The following MYO19 variants were observed in gnomAD, a reference collection of about 807,000 sequenced individuals.
MYO19 encodes the protein unconventional myosin-XIX.
MYO19 carries 132 observed loss-of-function variants against 129.2 expected under a neutral mutation model. That is an observed-to-expected ratio of 1.02 (90% CI 0.89 to 1.18). The LOEUF is 1.18. MYO19 is among the 50% of genes most tolerant of loss of function. The pLI is 0.00. For synonymous variants in MYO19, 531 were observed against 477.2 expected (o/e 1.11, Z -1.47); for missense variants, 1,210 against 1,216.7 (o/e 0.99, Z 0.08).
intron 6 of MYO19, among the ~76,000 whole-genome samples, chr17:36,517,836 C>T (rs1192026113): frequency 6.6e-6 from 1 of 151,870 alleles, no homozygotes; most frequent in South Asian, 2.1e-4. Flanking sequence ...CGCCTGTAAT[C>T]CCAGCACTTT....
At chr17:36,537,785 T>C (rs1426728899), upstream of MYO19, 1 of 1,614,180 alleles carries the variant, frequency 6.2e-7, no homozygotes, top group Non-Finnish European at 8.5e-7. Context: ...ATCAGGAACA[T>C]TTAACAGAGT....
Position 36,525,235 on chromosome 17 carries a change from G to A in MYO19, c.407C>T (p.Ala136Val). 4 of 1,612,578 alleles carry A rather than the reference G, an allele frequency of 2.5e-6. No individual in the cohort carries two copies. The highest frequency in any genetic ancestry group is 3.4e-6 in the Non-Finnish European group (4 of 1,178,710). Reference sequence around the variant, plus strand: ...GGAAAGACGTCTTCCTACCTTTCCAGCACCACTCTCTCCACTGACAACAAT... The same window carrying A: ...GGAAAGACGTCTTCCTACCTTTCCAACACCACTCTCTCCACTGACAACAAT... ...QSIVVSGESG[A>V]GKTWTSRCLM... The change falls in exon 6 of 26, where the codon GCT becomes GTT. Residue 136 changes from alanine (A) to valine (V), a missense_variant. Physicochemically the swap from Ala to Val is moderately conservative, Grantham distance 64. Transcript: ENST00000614623.
At chr17:36,544,475 C>T (rs373679202), upstream of MYO19, among the ~76,000 whole-genome samples, 1 of 152,344 alleles carries the variant, frequency 6.6e-6, no homozygotes, top group East Asian at 1.9e-4. Context: ...CCTTCCGCCC[C>T]CTCTGATCTC....
chr17:36,534,374 G>A (rs1357926481), intron 1 of MYO19, among the ~76,000 whole-genome samples: 1 of 152,144 alleles, frequency 6.6e-6, no homozygotes, highest in Non-Finnish European at 1.5e-5. Flanking sequence ...GGCACGGGGA[G>A]AGTATGTCCT....
upstream of MYO19, among the ~76,000 whole-genome samples, chr17:36,544,073 G>A (rs2074219385): frequency 6.6e-6 from 1 of 152,236 alleles, no homozygotes; most frequent in African/African-American, 2.4e-5. Flanking sequence ...ACACGGTGGC[G>A]AGAGGAACTG....
intron 14 of MYO19, 192 bp from the exon 15 acceptor site, chr17:36,508,116 C>G (rs1421525228): frequency 1.9e-6 from 1 of 513,262 alleles, no homozygotes; most frequent in African/African-American, 1.9e-5. Flanking sequence ...TGGCTCCCAT[C>G]TCTACCCCAT....
chr17:36,525,852 T>C (rs1316245869), intron 5 of MYO19, among the ~76,000 whole-genome samples: 1 of 152,212 alleles, frequency 6.6e-6, no homozygotes, highest in African/African-American at 2.4e-5. Flanking sequence ...GTCTTCAATG[T>C]ACTAGGCATC....
intron 25 of MYO19, 45 bp downstream of exon 25, chr17:36,498,212 TTGCTCCTGC>T: frequency 6.4e-7 from 1 of 1,563,978 alleles, no homozygotes; most frequent in Non-Finnish European, 8.7e-7. Flanking sequence ...CTTGTAGGCT[TTGCTCCTGC>T]TGTTCTCAGG....
intron 6 of MYO19, among the ~76,000 whole-genome samples, chr17:36,524,722 G>A (rs1245579433): frequency 1.3e-5 from 2 of 152,178 alleles, no homozygotes; most frequent in African/African-American, 4.8e-5. Context: ...TACTTTGGAG[G>A]AGCACTGCCA....
chr17:36,506,793 C>T (rs758697762), intron 17 of MYO19, 170 bp downstream of exon 17: 11 of 1,085,846 alleles, frequency 1.0e-5, no homozygotes, highest in Non-Finnish European at 1.4e-5. Context: ...CCAGGCAGGT[C>T]ATGCTTGATT....
At chr17:36,526,966 T>C (rs1300276515) in intron 5 of MYO19, among the ~76,000 whole-genome samples, 1 of 151,514 alleles carries the variant, frequency 6.6e-6, no homozygotes, top group Non-Finnish European at 1.5e-5. Flanking sequence ...GATCACCTGA[T>C]GTCAGGAGTT....
chr17:36,528,090 C>T lies in MYO19; in HGVS notation c.125G>A (p.Arg42Lys), dbSNP rs924567452. The stretch of plus-strand genomic sequence containing the variant: ...TGTCTCTAGTGTCACAGGATTCACC[C>T]TGGTGAGGTCATCCAGTTTGTACAG... ...VLLYKLDDLT[R>K]VNPVTLETVL... The change falls in exon 4 of 26, where the codon AGG becomes AAG. Residue 42 changes from arginine to lysine, a missense_variant. Transcript: ENST00000614623. 3 of 1,613,960 alleles carry T rather than the reference C, an allele frequency of 1.9e-6. No individual in the cohort carries two copies. Among genetic ancestry groups the T allele is most frequent in the South Asian group, 1.1e-5 (1 of 91,082 alleles).
chr17:36,495,764 TTATTC>T lies in MYO19; in HGVS notation c.*482_*486del. 6 of 1,241,724 alleles carry T rather than the reference TTATTC, an allele frequency of 4.8e-6. No individual in the cohort carries two copies. Among genetic ancestry groups the T allele is most frequent in the Non-Finnish European group, 6.0e-6 (6 of 993,598 alleles). 76.9% of individuals were successfully genotyped at this position (1,241,724 alleles called of 1,614,324 possible). A position where few individuals can be genotyped will look rare whatever the true frequency, so the allele number is the denominator to read the frequency against. ...AAACGTGATTCTACTGTACATTGCA[TTATTC>T]ATAATTTAATTGTTTGAAATTACAT... On this transcript the variant is annotated 3_prime_UTR_variant, in exon 26 of 26. Transcript: ENST00000614623.
intron 23 of MYO19, 74 bp downstream of exon 23, chr17:36,500,756 C>A: frequency 6.5e-7 from 1 of 1,529,022 alleles, no homozygotes; most frequent in Admixed American, 1.9e-5. Context: ...GGGGACTCGA[C>A]GAGCTATGTT....
Position 36,501,141 on chromosome 17 carries a change from A to G in MYO19, c.2175T>C (p.Thr725=). ...CTGGCATGGCCTCAGCCGAGTCACCAGTTATGGCTGCTGCCTGAGTTAGGA... is the reference window on the plus strand; with the variant it reads ...CTGGCATGGCCTCAGCCGAGTCACCGGTTATGGCTGCTGCCTGAGTTAGGA... ...LPVLTQAAAI[T]GDSAEAMPAP... is the part of the protein sequence containing the mutation. Residue 725 remains threonine, a synonymous_variant, in exon 22 of 26, where the codon ACT becomes ACC. Transcript: ENST00000614623. 1 of 1,614,026 alleles carries G rather than the reference A, an allele frequency of 6.2e-7. No homozygotes were observed. The highest frequency in any genetic ancestry group is 8.5e-7 in the Non-Finnish European group (1 of 1,179,898).
chr17:36,506,928 C>T (rs2071940384), intron 17 of MYO19, 35 bp downstream of exon 17: 5 of 1,522,394 alleles, frequency 3.3e-6, no homozygotes, highest in South Asian at 1.3e-5. Flanking sequence ...CATCTCGTTT[C>T]TCGCAGGCCC....
intron 11 of MYO19, 163 bp downstream of exon 11, chr17:36,513,266 A>C: frequency 6.7e-7 from 1 of 1,484,402 alleles, no homozygotes; most frequent in Non-Finnish European, 8.9e-7. Flanking sequence ...CCTGGTCTCC[A>C]GACTCAGCAG....
rs764197406 is a variant in MYO19 at position 36,506,480 on chromosome 17, C to G, written c.1773G>C (p.Val591=). The G allele has an allele frequency of 9.9e-6, 16 of 1,613,772 alleles. No individual in the cohort carries two copies. The highest frequency in any genetic ancestry group is 1.4e-5 in the Non-Finnish European group (16 of 1,179,770). ...EEPPGQSRAP[V]LTVVSKFKAS... is the part of the protein sequence containing the mutation. Reference sequence around the variant, plus strand: ...CCTTGAACTTGGACACCACGGTCAACACAGGGGCCCTGCTCTGGCCAGGGG... The same window carrying G: ...CCTTGAACTTGGACACCACGGTCAAGACAGGGGCCCTGCTCTGGCCAGGGG... The change falls in exon 18 of 26, where the codon GTG becomes GTC. Residue 591 remains valine (V), a synonymous_variant. Transcript: ENST00000614623.
At chr17:36,505,030 A>T in intron 19 of MYO19, 1 of 659,912 alleles carries the variant, frequency 1.5e-6, no homozygotes, top group Non-Finnish European at 2.8e-6. Flanking sequence ...TCCTCTGGGC[A>T]GTTTCAGTCT....
Sources: gnomAD v4.1 joint callset for allele counts (sites outside exome capture counted in the v4.1 genomes callset) on GRCh38, gnomAD v4.1.1 for gene constraint, MANE v1.5 for transcripts, NCBI Gene and HGNC (gene_info 2026-07-23, HGNC 2026-07-21) for gene names.